Variants in ADGRL3 observed in about 807,000 individuals in gnomAD.
ADGRL3 encodes adhesion G protein-coupled receptor L3.
Under a neutral mutation model 153.5 loss-of-function variants are expected in ADGRL3, and 62 were observed. The ratio of observed to expected loss-of-function variants is 0.40; its 90% CI spans 0.33 to 0.50. The LOEUF is 0.50. Among genes scored for constraint, ADGRL3 ranks in the 20% least tolerant of loss-of-function variants. The pLI is 0.47. For missense variants in ADGRL3, 1,641 were observed against 1,859.4 expected (o/e 0.88, Z 2.16); for synonymous variants, 710 against 672.5 (o/e 1.06, Z -0.86).
chr4:61,991,496 TATAAC>T (rs1191613386), intron 19 of ADGRL3, among the ~76,000 whole-genome samples: 1 of 152,082 alleles, frequency 6.6e-6, no homozygotes, highest in Non-Finnish European at 1.5e-5. Flanking sequence ...TTTTAAAAAA[TATAAC>T]ATGTTGAGGA....
intron 23 of ADGRL3, among the ~76,000 whole-genome samples, chr4:62,034,169 C>T (rs1030167919): frequency 4.6e-5 from 7 of 151,498 alleles, no homozygotes; most frequent in African/African-American, 1.2e-4. Context: ...AACAGAGTTC[C>T]GGAAACTGTG....
At chr4:61,509,327 C>T (rs1183227320) in intron 3 of ADGRL3, among the ~76,000 whole-genome samples, 2 of 151,968 alleles carry the variant, frequency 1.3e-5, no homozygotes, top group Admixed American at 6.6e-5. Context: ...AGGGTCTTGC[C>T]ATGTTGGCCA....
intron 19 of ADGRL3, among the ~76,000 whole-genome samples, chr4:61,992,001 CTT>C (rs199828594): frequency 0.012 from 1,755 of 150,040 alleles, 36 homozygotes; most frequent in African/African-American, 0.041. Context: ...TCTCAAGTCT[CTT>C]ATGTCTTTTG....
At chr4:61,378,681 T>C (rs753009704) in intron 1 of ADGRL3, among the ~76,000 whole-genome samples, 2 of 152,060 alleles carry the variant, frequency 1.3e-5, no homozygotes, top group Non-Finnish European at 2.9e-5. Context: ...AAGTGGTGTT[T>C]GTAATACAAA....
intron 4 of ADGRL3, among the ~76,000 whole-genome samples, chr4:61,539,121 C>T (rs572898182): frequency 1.4e-3 from 216 of 152,316 alleles, no homozygotes; most frequent in Non-Finnish European, 2.6e-3. Context: ...CTATTTTGCC[C>T]TGTGTCACCC....
chr4:61,922,792 C>T (rs557056544), intron 13 of ADGRL3, among the ~76,000 whole-genome samples: 77 of 152,208 alleles, frequency 5.1e-4, no homozygotes, highest in African/African-American at 1.8e-3. Context: ...GTTTCTGTCT[C>T]GTAGGGCTCA....
intron 19 of ADGRL3, among the ~76,000 whole-genome samples, chr4:61,989,982 G>A (rs972479946): frequency 2.0e-5 from 3 of 151,898 alleles, no homozygotes; most frequent in African/African-American, 7.2e-5. Context: ...TCAGAAAATC[G>A]TTTCACAGAT....
chr4:61,374,930 G>T (rs1039604294), intron 1 of ADGRL3, among the ~76,000 whole-genome samples: 4 of 151,980 alleles, frequency 2.6e-5, no homozygotes, highest in Non-Finnish European at 5.9e-5. Context: ...CTGAGGTTCA[G>T]TGTCTGGCTT....
At chr4:61,313,918 G>A (rs900407939) in intron 1 of ADGRL3, among the ~76,000 whole-genome samples, 20 of 152,056 alleles carry the variant, frequency 1.3e-4, no homozygotes, top group African/African-American at 4.8e-4. Flanking sequence ...CACTCACTCA[G>A]ACTGGGAACC....
chr4:61,415,807 CACTT>C (rs1389222199), intron 2 of ADGRL3, among the ~76,000 whole-genome samples: 1 of 151,726 alleles, frequency 6.6e-6, no homozygotes, highest in Non-Finnish European at 1.5e-5. Flanking sequence ...TTTAGATAAT[CACTT>C]AATTAAATCA....
At chr4:61,864,969 T>C (rs1038024382) in intron 9 of ADGRL3, among the ~76,000 whole-genome samples, 21 of 152,194 alleles carry the variant, frequency 1.4e-4, no homozygotes, top group Non-Finnish European at 7.4e-5. Flanking sequence ...CGTTTGTTAC[T>C]TTGACTCAAA....
At chr4:61,293,048 T>C (rs1426077413) in intron 1 of ADGRL3, among the ~76,000 whole-genome samples, 1 of 152,120 alleles carries the variant, frequency 6.6e-6, no homozygotes, top group Non-Finnish European at 1.5e-5. Flanking sequence ...TATAGCTAGT[T>C]ATCAAATACT....
intron 6 of ADGRL3, among the ~76,000 whole-genome samples, chr4:61,695,491 G>A (rs2095625071): frequency 6.6e-6 from 1 of 152,160 alleles, no homozygotes. Flanking sequence ...GCTGTAAACA[G>A]ATGTGCTGTC....
intron 5 of ADGRL3, among the ~76,000 whole-genome samples, chr4:61,636,771 T>C (rs2093440757): frequency 6.6e-6 from 1 of 151,006 alleles, no homozygotes; most frequent in Non-Finnish European, 1.5e-5. Flanking sequence ...TAGGAAGATA[T>C]ATAGGCAAAT....
chr4:61,973,011 G>GA (rs887544009), intron 17 of ADGRL3, among the ~76,000 whole-genome samples: 3 of 150,562 alleles, frequency 2.0e-5, no homozygotes, highest in Non-Finnish European at 4.4e-5. Context: ...CAAAAAAGAA[G>GA]AAAAAAAACC....
chr4:61,649,423 G>T (rs2094165549), intron 5 of ADGRL3, among the ~76,000 whole-genome samples: 1 of 152,046 alleles, frequency 6.6e-6, no homozygotes, highest in Non-Finnish European at 1.5e-5. Flanking sequence ...TTCGCCTATT[G>T]CTTGTATACC....
chr4:61,356,406 A>G (rs893162353), intron 1 of ADGRL3, among the ~76,000 whole-genome samples: 1 of 152,060 alleles, frequency 6.6e-6, no homozygotes, highest in Non-Finnish European at 1.5e-5. Context: ...ATTTCAGTAA[A>G]AGTGATTCTA....
intron 6 of ADGRL3, among the ~76,000 whole-genome samples, chr4:61,726,210 G>GTTTTTTTTTTTTTTT (rs149472429): frequency 4.2e-5 from 5 of 118,472 alleles, no homozygotes; most frequent in East Asian, 2.6e-4. Flanking sequence ...TTTTTTTTTT[G>GTTTTTTTTTTTTTTT]TTTTTTGAGA....
intron 13 of ADGRL3, among the ~76,000 whole-genome samples, chr4:61,926,461 C>A (rs1048523274): frequency 6.6e-6 from 1 of 152,104 alleles, no homozygotes; most frequent in Non-Finnish European, 1.5e-5. Flanking sequence ...AACTAATCAG[C>A]AAATCATTTT....
Sources: allele counts gnomAD v4.1 joint callset (sites outside exome capture counted in the v4.1 genomes callset), GRCh38; gene constraint gnomAD v4.1.1; transcripts MANE v1.5; gene names NCBI Gene and HGNC (gene_info 2026-07-23, HGNC 2026-07-21).